PBLD: variants seen among roughly 807,000 people sequenced by gnomAD.
PBLD encodes phenazine biosynthesis like protein domain containing.
A neutral mutation model predicts 31.3 loss-of-function variants in PBLD; 26 were observed. The observed-to-expected ratio is 0.83, with a 90% CI of 0.61 to 1.15. The LOEUF (loss-of-function observed/expected upper bound fraction) is 1.15, where lower values mean the gene tolerates loss of function less well. Among genes scored for constraint, PBLD ranks in the 50% most tolerant of loss-of-function variants. PBLD has a pLI of 0.00. For synonymous variants in PBLD, 114 were observed against 129.0 expected (o/e 0.88, Z 0.79); for missense variants, 307 against 351.7 (o/e 0.87, Z 1.02).
intron 1 of PBLD, among the ~76,000 whole-genome samples, chr10:68,315,430 C>T (rs2044724132): frequency 6.6e-6 from 1 of 151,776 alleles, no homozygotes; most frequent in Non-Finnish European, 1.5e-5. Flanking sequence ...ACTAAAAATA[C>T]AAAAATCAGC....
At chr10:68,329,519 G>C (rs929888077) in intron 1 of PBLD, among the ~76,000 whole-genome samples, 4 of 152,214 alleles carry the variant, frequency 2.6e-5, no homozygotes, top group Non-Finnish European at 4.4e-5. Flanking sequence ...TGAAAGGATA[G>C]AAGTAGCCAT....
chr10:68,316,600 T>C (rs902852199), intron 1 of PBLD, among the ~76,000 whole-genome samples: 1 of 152,178 alleles, frequency 6.6e-6, no homozygotes, highest in African/African-American at 2.4e-5. Flanking sequence ...CAAAAACTTA[T>C]CATATTTGAT....
chr10:68,295,532 T>A (rs1381481639), intron 4 of PBLD, among the ~76,000 whole-genome samples: 1 of 152,008 alleles, frequency 6.6e-6, no homozygotes, highest in East Asian at 1.9e-4. Context: ...GAATCTCTTA[T>A]TGTGAAATGA....
rs377081669 is a variant in PBLD at position 68,310,365 on chromosome 10, G to A, written c.-59-3462C>T. Among the ~76,000 whole-genome samples the A allele has an allele frequency of 7.8e-5, 11 of 140,302 alleles. 1 individual carries two copies. Among genetic ancestry groups the A allele is most frequent in the Non-Finnish European group, 1.1e-4 (7 of 65,202 alleles). The allele number at this position is 140,302 out of a possible 152,430, so 92.0% of individuals were successfully genotyped here. On this transcript the variant is annotated intron_variant, in intron 1 of 9. Transcript: ENST00000358769. ...ATCATGTACAATATAATGTTTTGAA[G>A]TATATATATATATATATATACACAT...
At chr10:68,309,193 G>A (rs2044625632) in intron 1 of PBLD, among the ~76,000 whole-genome samples, 1 of 149,176 alleles carries the variant, frequency 6.7e-6, no homozygotes, top group African/African-American at 2.5e-5. Context: ...ATCACTTGAG[G>A]TCAGGAGTTT....
Position 68,284,074 on chromosome 10 carries a change from A to T in PBLD, c.*103T>A. 1 of 1,104,334 alleles carries T rather than the reference A, an allele frequency of 9.1e-7. No individual in the cohort carries two copies. Among genetic ancestry groups the T allele is most frequent in the Non-Finnish European group, 1.3e-6 (1 of 754,442 alleles). 68.4% of individuals were successfully genotyped at this position (1,104,334 alleles called of 1,614,324 possible). A position where few individuals can be genotyped will look rare whatever the true frequency, so the allele number is the denominator to read the frequency against. On this transcript the variant is annotated 3_prime_UTR_variant, in exon 10 of 10. Transcript: ENST00000358769. ...TTTTTCGATTTTTAACATGAGGATT[A>T]AGTAGACTACTACGCACATTTGCTA... is the stretch of plus-strand genomic sequence containing the variant.
At chr10:68,308,878 GTGTT>G (rs1194635221) in intron 1 of PBLD, among the ~76,000 whole-genome samples, 16 of 149,060 alleles carry the variant, frequency 1.1e-4, no homozygotes, top group African/African-American at 3.7e-4. Context: ...GTGTGTGTGT[GTGTT>G]TGTGTGTGTG....
chr10:68,306,285 T>G (rs912614791), intron 2 of PBLD, among the ~76,000 whole-genome samples: 1 of 152,194 alleles, frequency 6.6e-6, no homozygotes, highest in Non-Finnish European at 1.5e-5. Context: ...CTTCTACCTC[T>G]CTACTTAACT....
Position 68,288,516 on chromosome 10 carries a change from G to A in PBLD, c.658C>T (p.Pro220Ser), listed in dbSNP as rs781177116. ...GGGTCTTCAGCCACACCAACCCACG[G>A]TGCAAAATATCTTGAGTAAAAGTCA... is the stretch of plus-strand genomic sequence containing the variant. ...AFDFYSRYFA[P>S]WVGVAEDPVT... Residue 220 changes from proline (P) to serine (S), a missense_variant, in exon 8 of 10, where the codon CCG becomes TCG. Transcript: ENST00000358769. 9.9e-6 allele frequency: 16 copies of A among 1,614,050 alleles called. No homozygotes were observed. The Admixed American group carries it at 2.2e-4, about 22-fold the overall frequency.
chr10:68,294,235 G>A (rs1056526577), intron 4 of PBLD, among the ~76,000 whole-genome samples: 7 of 152,002 alleles, frequency 4.6e-5, no homozygotes, highest in East Asian at 1.9e-4. Flanking sequence ...TCCTCCTCTC[G>A]CTCTAGCTCA....
intron 1 of PBLD, among the ~76,000 whole-genome samples, chr10:68,324,604 CTTTATTTATTTA>C (rs201038659): frequency 6.7e-6 from 1 of 148,526 alleles, no homozygotes; most frequent in East Asian, 2.0e-4. Flanking sequence ...ACCCTCCACA[CTTTATTTATTTA>C]TTTATTTATT....
intron 8 of PBLD, among the ~76,000 whole-genome samples, chr10:68,285,970 G>T (rs4633337): frequency 0.72 from 109,393 of 151,922 alleles, 40,657 homozygotes; most frequent in Middle Eastern, 0.84. Context: ...TATGAGCCAC[G>T]GTGACTGGTC....
At chr10:68,300,053 G>C (rs1217603371) in intron 2 of PBLD, among the ~76,000 whole-genome samples, 1 of 151,990 alleles carries the variant, frequency 6.6e-6, no homozygotes, top group Non-Finnish European at 1.5e-5. Flanking sequence ...ACCATGCCCA[G>C]CTAATTTTTT....
chr10:68,311,472 G>A (rs1294797515), intron 1 of PBLD, among the ~76,000 whole-genome samples: 1 of 152,132 alleles, frequency 6.6e-6, no homozygotes, highest in Non-Finnish European at 1.5e-5. Flanking sequence ...TGTAGTCCCA[G>A]CTACTTGGGA....
intron 1 of PBLD, among the ~76,000 whole-genome samples, chr10:68,315,605 G>C (rs1271364467): frequency 1.3e-5 from 2 of 151,156 alleles, no homozygotes; most frequent in African/African-American, 2.4e-5. Context: ...GAAAAAAAAA[G>C]CTCTGACATA....
intron 1 of PBLD, among the ~76,000 whole-genome samples, chr10:68,312,165 C>T (rs1413689729): frequency 6.6e-6 from 1 of 152,194 alleles, no homozygotes; most frequent in Non-Finnish European, 1.5e-5. Flanking sequence ...CACAAGAACG[C>T]AGATATTTCT....
At chr10:68,328,063 A>G (rs2044951715) in intron 1 of PBLD, among the ~76,000 whole-genome samples, 1 of 152,226 alleles carries the variant, frequency 6.6e-6, no homozygotes, top group African/African-American at 2.4e-5. Flanking sequence ...TGTGTAATTC[A>G]GTCTTGTCTT....
At chr10:68,301,776 A>G (rs1284662474) in intron 2 of PBLD, among the ~76,000 whole-genome samples, 1 of 152,152 alleles carries the variant, frequency 6.6e-6, no homozygotes. Context: ...TTCTTTGCAA[A>G]TGGGCCCTTT....
chr10:68,293,130 G>A (rs1160073863), intron 4 of PBLD, among the ~76,000 whole-genome samples: 2 of 152,184 alleles, frequency 1.3e-5, no homozygotes, highest in Non-Finnish European at 2.9e-5. Flanking sequence ...AAAGTGTTGG[G>A]ATTACAGGCA....
Sources: gnomAD v4.1 joint callset for allele counts (sites outside exome capture counted in the v4.1 genomes callset) on GRCh38, gnomAD v4.1.1 for gene constraint, MANE v1.5 for transcripts, NCBI Gene and HGNC (gene_info 2026-07-23, HGNC 2026-07-21) for gene names.